The following PBK variants were observed in gnomAD, a reference collection of about 807,000 sequenced individuals.
The protein encoded by PBK is lymphokine-activated killer T-cell-originated protein kinase.
Under a neutral mutation model 33.5 loss-of-function variants are expected in PBK, and 22 were observed. The ratio of observed to expected loss-of-function variants is 0.66; its 90% CI spans 0.47 to 0.94. PBK has a LOEUF of 0.94. PBK is among the 40% of genes least tolerant of loss of function. The pLI is 0.00. For missense variants in PBK, 376 were observed against 383.4 expected (o/e 0.98, Z 0.16); for synonymous variants, 129 against 123.8 (o/e 1.04, Z -0.28).
At chr8:27,817,561 T>C (rs935666955) in intron 6 of PBK, among the ~76,000 whole-genome samples, 4 of 152,166 alleles carry the variant, frequency 2.6e-5, no homozygotes, top group South Asian at 2.1e-4. Flanking sequence ...GTTTTTTTTT[T>C]CTATAAACCT....
At chr8:27,821,714 G>C (rs1805932697) in intron 5 of PBK, among the ~76,000 whole-genome samples, 1 of 152,112 alleles carries the variant, frequency 6.6e-6, no homozygotes, top group African/African-American at 2.4e-5. Flanking sequence ...CAATTTTGAG[G>C]CTAGTCTAGT....
intron 2 of PBK, among the ~76,000 whole-genome samples, chr8:27,831,697 G>A (rs893680826): frequency 5.3e-5 from 8 of 152,072 alleles, no homozygotes; most frequent in African/African-American, 1.9e-4. Context: ...TACCAGATAT[G>A]AAAAAGGACA....
At chr8:27,829,763 A>C (rs1042070409) in intron 2 of PBK, among the ~76,000 whole-genome samples, 6 of 151,990 alleles carry the variant, frequency 3.9e-5, no homozygotes, top group Admixed American at 3.9e-4. Context: ...GCTACTCGGG[A>C]GGCTGAGGCA....
chr8:27,827,419 C>A (rs201057546), intron 3 of PBK, among the ~76,000 whole-genome samples: 1 of 152,140 alleles, frequency 6.6e-6, no homozygotes, highest in African/African-American at 2.4e-5. Flanking sequence ...TGATGGTACA[C>A]GCCTGTAATC....
intron 6 of PBK, among the ~76,000 whole-genome samples, chr8:27,814,498 T>C (rs897628345): frequency 2.0e-5 from 3 of 152,148 alleles, no homozygotes; most frequent in Non-Finnish European, 4.4e-5. Flanking sequence ...TAATATTTTA[T>C]AGTATTTGTT....
rs1585436441 is a variant in PBK at position 27,832,950 on chromosome 8, A to C, written c.58+106T>G. 16 of 655,850 alleles carry C rather than the reference A, an allele frequency of 2.4e-5. No homozygotes were observed. In the East Asian group the frequency reaches 4.7e-4, roughly 19 times the overall value. The allele number at this position is 655,850 out of a possible 1,614,324, so 40.6% of individuals were successfully genotyped here. On this transcript the variant is annotated intron_variant, in intron 2 of 7. Coordinates refer to ENST00000301905, the MANE Select transcript of PBK (RefSeq NM_018492.4). ...TAACATCATAAAGGGGAGTTACATT[A>C]AAGTTTCTAAGTGACCGATAATAAA...
chr8:27,827,982 C>T, intron 3 of PBK, 123 bp downstream of exon 3: 3 of 543,072 alleles, frequency 5.5e-6, no homozygotes, highest in Non-Finnish European at 1.0e-5. Context: ...ATACAGCCAT[C>T]AGCCAGGATC....
Position 27,823,066 on chromosome 8 carries a change from C to A in PBK, c.292G>T (p.Val98Phe). The A allele has an allele frequency of 6.3e-7, 1 of 1,590,642 alleles. No homozygotes were observed. The highest frequency in any genetic ancestry group is 8.6e-7 in the Non-Finnish European group (1 of 1,163,596). ...ILKSLHHPNI[V>F]GYRAFTEAND... ...CTGCTACCAAATTTAAACGTACCAA[C>A]AATGTTTGGATGATGAAGGCTTTTC... Residue 98 changes from valine to phenylalanine, a missense_variant, in exon 4 of 8, where the codon GTT (valine) becomes TTT (phenylalanine). By Grantham distance (50) the Val-to-Phe change is conservative (BLOSUM62 -1). Transcript: ENST00000301905.
chr8:27,810,101 CTT>C lies in PBK; in HGVS notation c.*202_*203del. On this transcript the variant is annotated 3_prime_UTR_variant, in exon 8 of 8. Coordinates refer to ENST00000301905, the MANE Select transcript of PBK (RefSeq NM_018492.4). Reference sequence around the variant, plus strand: ...GTACTTATGTAGCTAGTTTCTAAAACTTTACAGAAAACCCAGTACAATTCCAA... The same window carrying C: ...GTACTTATGTAGCTAGTTTCTAAAACTACAGAAAACCCAGTACAATTCCAA... The C allele has an allele frequency of 1.5e-5, 8 of 522,540 alleles. No individual in the cohort carries two copies. In the South Asian group the frequency reaches 2.2e-4, roughly 14 times the overall value. 32.4% of individuals were successfully genotyped at this position (522,540 alleles called of 1,614,324 possible).
Position 27,822,363 on chromosome 8 carries a change from C to A in PBK, c.421G>T (p.Ala141Ser). The change falls in exon 5 of 8, where the codon GCC becomes TCC. Residue 141 changes from alanine (A) to serine (S), a missense_variant. Coordinates refer to ENST00000301905, the MANE Select transcript of PBK (RefSeq NM_018492.4). Reference protein sequence around the residue: ...YKASQDPFPAAIILKVALNMA... With the variant: ...YKASQDPFPASIILKVALNMA... ...TTCAAAGCAACTTTTAAAATTATGGCTGCTGGAAAAGGATCTTGGCTGGCT... is the reference window on the plus strand; with the variant it reads ...TTCAAAGCAACTTTTAAAATTATGGATGCTGGAAAAGGATCTTGGCTGGCT... 1.9e-6 allele frequency: 3 copies of A among 1,613,192 alleles called. No individual in the cohort carries two copies. Among genetic ancestry groups the A allele is most frequent in the Non-Finnish European group, 2.5e-6 (3 of 1,179,690 alleles).
chr8:27,829,955 C>T (rs1247813824), intron 2 of PBK, among the ~76,000 whole-genome samples: 3 of 151,860 alleles, frequency 2.0e-5, no homozygotes, highest in Non-Finnish European at 4.4e-5. Flanking sequence ...GTAATCCCAG[C>T]ACTTTGGGAG....
chr8:27,810,433 T>C lies in PBK; in HGVS notation c.841A>G (p.Ile281Val), dbSNP rs558321363. The change falls in exon 8 of 8, where the codon ATT (isoleucine) becomes GTT (valine). Residue 281 changes from isoleucine to valine, a missense_variant. Ile to Val is a conservative substitution (Grantham distance 29, BLOSUM62 3). Coordinates refer to ENST00000301905, the MANE Select transcript of PBK (RefSeq NM_018492.4). ...YYAALGTRPPINMEELDESYQ... is the reference protein window; with the variant it reads ...YYAALGTRPPVNMEELDESYQ... ...GATTCATCCAGTTCTTCCATATTAA[T>C]AGGTGGCCTAGTTCCCAACGCTGCA... 1.9e-6 allele frequency: 3 copies of C among 1,608,624 alleles called. No homozygotes were observed. Among genetic ancestry groups the C allele is most frequent in the African/African-American group, 1.3e-5 (1 of 74,910 alleles).
At chr8:27,835,403 G>A (rs1389215978) in intron 1 of PBK, among the ~76,000 whole-genome samples, 1 of 152,082 alleles carries the variant, frequency 6.6e-6, no homozygotes, top group African/African-American at 2.4e-5. Context: ...TCAGAACTTT[G>A]GGAAAGGATA....
chr8:27,837,644 C>T lies in PBK; in HGVS notation c.-21+8G>A, dbSNP rs1806252987. On this transcript the variant is annotated splice_region_variant and intron_variant, in intron 1 of 7. Coordinates refer to ENST00000301905, the MANE Select transcript of PBK (RefSeq NM_018492.4). ...CGCCAGGGCTCGCAAAAAAAAAGCT[C>T]CTCTTACCAGAGTCTCACCGCCTGG... The T allele has an allele frequency of 6.6e-6, 1 of 152,332 alleles. No individual in the cohort carries two copies. Among genetic ancestry groups the T allele is most frequent in the African/African-American group, 2.4e-5 (1 of 41,466 alleles). 9.4% of individuals were successfully genotyped at this position (152,332 alleles called of 1,614,324 possible).
At chr8:27,820,431 G>C (rs1322005462) in intron 6 of PBK, 134 bp downstream of exon 6, 5 of 593,960 alleles carry the variant, frequency 8.4e-6, no homozygotes, top group African/African-American at 1.9e-5. Flanking sequence ...CTGGGAGAGA[G>C]AGAAAAAAAG....
At chr8:27,820,501 A>G in intron 6 of PBK, 64 bp downstream of exon 6, 2 of 912,936 alleles carry the variant, frequency 2.2e-6, no homozygotes, top group Non-Finnish European at 3.4e-6. Flanking sequence ...ATGTGGACTT[A>G]CGTATTTAAA....
At chr8:27,827,442 G>A (rs898051334) in intron 3 of PBK, among the ~76,000 whole-genome samples, 3 of 152,198 alleles carry the variant, frequency 2.0e-5, no homozygotes, top group Non-Finnish European at 4.4e-5. Context: ...AGCTATTCAG[G>A]AGGCTGAGGC....
At chr8:27,820,166 CT>C (rs1805892775) in intron 6 of PBK, among the ~76,000 whole-genome samples, 1 of 152,308 alleles carries the variant, frequency 6.6e-6, no homozygotes, top group East Asian at 1.9e-4. Context: ...ATTAGCACCC[CT>C]CTTTTCTGCT....
At chr8:27,834,174 C>T (rs1806185392) in intron 1 of PBK, among the ~76,000 whole-genome samples, 1 of 151,986 alleles carries the variant, frequency 6.6e-6, no homozygotes, top group African/African-American at 2.4e-5. Flanking sequence ...ACTACCAGCG[C>T]CCACCACCAC....
Sources: allele counts gnomAD v4.1 joint callset (sites outside exome capture counted in the v4.1 genomes callset), GRCh38; gene constraint gnomAD v4.1.1; transcripts MANE v1.5; gene names NCBI Gene and HGNC (gene_info 2026-07-23, HGNC 2026-07-21).